Variants in WNT2 observed in about 807,000 individuals in gnomAD.
WNT2 encodes the protein Wnt family member 2.
In WNT2, 12 loss-of-function variants were observed where a neutral mutation model predicts 36.9. The ratio of observed to expected loss-of-function variants is 0.33; its 90% confidence interval spans 0.21 to 0.53. The LOEUF (loss-of-function observed/expected upper bound fraction) is 0.53, where lower values mean the gene tolerates loss of function less well. Ranked by LOEUF, WNT2 falls within the 20% of genes least tolerant of loss-of-function variation. WNT2 has a pLI of 0.95. For synonymous variants in WNT2, 163 were observed against 174.6 expected (o/e 0.93, Z 0.52); for missense variants, 379 against 473.1 (o/e 0.80, Z 1.84).
At chr7:117,311,786 T>G (rs944067238) in intron 3 of WNT2, among the ~76,000 whole-genome samples, 3 of 152,168 alleles carry the variant, frequency 2.0e-5, no homozygotes, top group Non-Finnish European at 4.4e-5. Flanking sequence ...ACATGCCAGG[T>G]TCTGTGCTAT....
At chr7:117,289,114 C>T (rs1794639474) in intron 4 of WNT2, among the ~76,000 whole-genome samples, 1 of 120,762 alleles carries the variant, frequency 8.3e-6, no homozygotes, top group Non-Finnish European at 1.6e-5. Context: ...GGCTGGAGTT[C>T]AGTGGCACAA....
At chr7:117,299,457 A>C (rs1794859898) in intron 3 of WNT2, among the ~76,000 whole-genome samples, 1 of 151,886 alleles carries the variant, frequency 6.6e-6, no homozygotes, top group South Asian at 2.1e-4. Context: ...TAAAAATGAC[A>C]GGAAATATTA....
Position 117,278,071 on chromosome 7 carries a change from C to A in WNT2, c.*84G>T, listed in dbSNP as rs539547159. The A allele has an allele frequency of 4.6e-5, 68 of 1,480,172 alleles. No individual in the cohort carries two copies. The highest frequency in any genetic ancestry group is 7.4e-5 in the South Asian group (6 of 81,530). The allele number at this position is 1,480,172 out of a possible 1,614,324, so 91.7% of individuals were successfully genotyped here. On this transcript the variant is annotated 3_prime_UTR_variant, in exon 5 of 5. Transcript: ENST00000265441. ...CCACATGCCTTAGGAAATATCCCCC[C>A]AGAAAGAACCCAAAGGTCCAGTGTT...
chr7:117,291,106 T>C (rs570824889), intron 4 of WNT2, among the ~76,000 whole-genome samples: 18 of 152,280 alleles, frequency 1.2e-4, no homozygotes, highest in African/African-American at 4.1e-4. Flanking sequence ...CTGAAAACCA[T>C]GATTGGGATT....
intron 3 of WNT2, among the ~76,000 whole-genome samples, chr7:117,308,940 T>G (rs889237641): frequency 1.3e-5 from 2 of 151,978 alleles, no homozygotes; most frequent in Non-Finnish European, 2.9e-5. Context: ...TCCTAGTACT[T>G]TGGGAGGCCA....
At position 117,278,127 on chromosome 7, in the gene WNT2, G is replaced by A. The variant is rs1432571564; in HGVS notation, c.*28C>T. 1 of 1,611,100 alleles carries A rather than the reference G, an allele frequency of 6.2e-7. No individual in the cohort carries two copies. Among genetic ancestry groups the A allele is most frequent in the East Asian group, 2.2e-5 (1 of 44,860 alleles). On this transcript the variant is annotated 3_prime_UTR_variant, in exon 5 of 5. Transcript: ENST00000265441. ...AGATCCAATGGAGTCCTTGTAGAAG[G>A]GAAGGTGGATGGTGACGCCTGCTGG...
Position 117,320,721 on chromosome 7 carries a change from C to T in WNT2, c.156G>A (p.Arg52=). 1.2e-6 allele frequency: 2 copies of T among 1,613,926 alleles called. No homozygotes were observed. Among genetic ancestry groups the T allele is most frequent in the Non-Finnish European group, 1.7e-6 (2 of 1,179,994 alleles). ...CATCTGGATGTCGGTGACACAGCTG[C>T]CGCTGGCTGCTCACCAGGCCTGGCA... is the stretch of plus-strand genomic sequence containing the variant. The part of the protein sequence containing the change: ...DNVPGLVSSQ[R]QLCHRHPDVM... Residue 52 remains arginine (R), a synonymous_variant, in exon 2 of 5, where the codon CGG becomes CGA. Coordinates refer to ENST00000265441, the MANE Select transcript of WNT2 (RefSeq NM_003391.3).
At chr7:117,315,490 T>TAGAAAAGAACC in intron 2 of WNT2, 142 bp from the exon 3 acceptor site, 1 of 879,792 alleles carries the variant, frequency 1.1e-6, no homozygotes, top group Non-Finnish European at 1.7e-6. Flanking sequence ...TGAAGGGTTC[T>TAGAAAAGAACC]TTTCTAGAGC....
chr7:117,322,799 C>A lies in WNT2; in HGVS notation c.83+108G>T, dbSNP rs1456397774. The A allele has an allele frequency of 3.5e-6, 4 of 1,134,652 alleles. No individual in the cohort carries two copies. In the African/African-American group the frequency reaches 4.6e-5, roughly 13 times the overall value. 70.3% of individuals were successfully genotyped at this position (1,134,652 alleles called of 1,614,324 possible). A position where few individuals can be genotyped will look rare whatever the true frequency, so the allele number is the denominator to read the frequency against. On this transcript the variant is annotated intron_variant, in intron 1 of 4. Transcript: ENST00000265441. The surrounding 1 kb of genome is among the most constrained non-coding windows in gnomAD (Gnocchi z 5.4). ...CAGTAGCCAGGGTTCGGGCCAGAATCCGAGACTGCTGCGGCCGCGGGGGAA... is the reference window on the plus strand; with the variant it reads ...CAGTAGCCAGGGTTCGGGCCAGAATACGAGACTGCTGCGGCCGCGGGGGAA...
At chr7:117,294,348 TAA>T (rs1173495047) in intron 4 of WNT2, among the ~76,000 whole-genome samples, 1 of 152,126 alleles carries the variant, frequency 6.6e-6, no homozygotes, top group Non-Finnish European at 1.5e-5. Flanking sequence ...ATATATACAA[TAA>T]AAAAATTTTA....
chr7:117,280,600 C>A (rs767372631), intron 4 of WNT2, among the ~76,000 whole-genome samples: 7 of 152,284 alleles, frequency 4.6e-5, no homozygotes, highest in Non-Finnish European at 8.8e-5. Flanking sequence ...CAAAGACAGT[C>A]AAATGAGGTT....
In WNT2 at chr7:117,303,948, C is replaced by T. The variant is rs1794962350; in HGVS notation, c.589-6072G>A. 3.3e-5 allele frequency among the ~76,000 whole-genome samples: 5 copies of T among 152,352 alleles called. No individual in the cohort carries two copies. The South Asian group carries it at 1.0e-3, about 32-fold the overall frequency. On this transcript the variant is annotated intron_variant, in intron 3 of 4. Transcript: ENST00000265441. ...GGGGGCAGCCACAGTCTTCCGTCCTCTTGTGCCAACCAGGACTGGCTCCAC... is the reference window on the plus strand; with the variant it reads ...GGGGGCAGCCACAGTCTTCCGTCCTTTTGTGCCAACCAGGACTGGCTCCAC...
At chr7:117,280,910 A>T (rs916724) in intron 4 of WNT2, among the ~76,000 whole-genome samples, 40 of 151,616 alleles carry the variant, frequency 2.6e-4, no homozygotes, top group African/African-American at 9.4e-4. Context: ...TATCAGAGAA[A>T]AAAAATGAAG....
intron 4 of WNT2, among the ~76,000 whole-genome samples, chr7:117,279,610 A>T (rs1329048038): frequency 6.6e-6 from 1 of 152,204 alleles, no homozygotes; most frequent in Non-Finnish European, 1.5e-5. Context: ...AGACATGGAA[A>T]GAAATGCTGC....
In WNT2 at chr7:117,317,151, GAA is replaced by G. The variant is rs1290467688; in HGVS notation, c.311-1805_311-1804del. Among the ~76,000 whole-genome samples, 8 of 152,304 alleles carry G rather than the reference GAA, an allele frequency of 5.3e-5. 1 individual carries two copies. The highest frequency in any genetic ancestry group is 1.9e-4 in the African/African-American group (8 of 41,576). On this transcript the variant is annotated intron_variant, in intron 2 of 4. Transcript: ENST00000265441. The stretch of plus-strand genomic sequence containing the variant: ...ACTAGTCTTATTTTTTAAGGAGAAA[GAA>G]GAGACATTTTATGAAGTGGTCTATT...
intron 3 of WNT2, among the ~76,000 whole-genome samples, chr7:117,314,437 A>G (rs1795176612): frequency 6.6e-6 from 1 of 152,164 alleles, no homozygotes; most frequent in South Asian, 2.1e-4. Flanking sequence ...TTAACAAATG[A>G]TGGTTAAAGG....
At chr7:117,311,818 G>A (rs1451834937) in intron 3 of WNT2, among the ~76,000 whole-genome samples, 2 of 152,084 alleles carry the variant, frequency 1.3e-5, no homozygotes, top group Non-Finnish European at 2.9e-5. Context: ...TTGTCTTCCC[G>A]TAGCACCACA....
intron 4 of WNT2, among the ~76,000 whole-genome samples, chr7:117,285,343 C>T (rs1346460793): frequency 6.6e-6 from 1 of 152,136 alleles, no homozygotes; most frequent in Non-Finnish European, 1.5e-5. Flanking sequence ...TATGTGTGCC[C>T]TCAAGGTGGT....
intron 4 of WNT2, among the ~76,000 whole-genome samples, chr7:117,289,648 C>A (rs1164232019): frequency 6.6e-6 from 1 of 152,152 alleles, no homozygotes; most frequent in Non-Finnish European, 1.5e-5. Flanking sequence ...ATTTGCCATT[C>A]AATTCACTTC....
Sources: gnomAD v4.1 joint callset for allele counts (sites outside exome capture counted in the v4.1 genomes callset) on GRCh38, gnomAD v4.1.1 for gene constraint, Gnocchi (gnomAD v3.1) non-coding constraint, MANE v1.5 for transcripts, NCBI Gene and HGNC (gene_info 2026-07-23, HGNC 2026-07-21) for gene names.